Variants in SPINT1 observed in about 807,000 individuals in gnomAD.
SPINT1 encodes kunitz-type protease inhibitor 1.
In SPINT1, 38 loss-of-function variants were observed where a neutral mutation model predicts 53.7. The ratio of observed to expected loss-of-function variants is 0.71; its 90% CI spans 0.55 to 0.93. SPINT1 has a LOEUF of 0.93. Among genes scored for constraint, SPINT1 ranks in the 40% least tolerant of loss-of-function variants. SPINT1 has a pLI of 0.00. For synonymous variants in SPINT1, 283 were observed against 280.6 expected, an observed-to-expected ratio of 1.01 and a Z score of -0.08; for missense variants, 645 against 692.9, an observed-to-expected ratio of 0.93 and a Z score of 0.78.
chr15:40,848,075 T>C (rs1891348820), intron 2 of SPINT1, among the ~76,000 whole-genome samples: 1 of 152,156 alleles, frequency 6.6e-6, no homozygotes. Context: ...CAGTTCTCTT[T>C]TTACTATTTT....
At chr15:40,846,673 G>C (rs1168686869) in intron 2 of SPINT1, among the ~76,000 whole-genome samples, 6 of 152,184 alleles carry the variant, frequency 3.9e-5, no homozygotes. Context: ...CTGGGCTGGG[G>C]CCACATCTGG....
In SPINT1 at chr15:40,853,538, A is replaced by G; in HGVS notation, c.653A>G (p.Tyr218Cys). 3.7e-6 allele frequency: 6 copies of G among 1,614,126 alleles called. No individual in the cohort carries two copies. Among genetic ancestry groups the G allele is most frequent in the Non-Finnish European group, 5.1e-6 (6 of 1,179,996 alleles). Reference sequence around the variant, plus strand: ...CTGTGGGGACTCAAGGAAGGCACCTACCTGTTCCAGCTGACAGTGACTAGC... The same window carrying G: ...CTGTGGGGACTCAAGGAAGGCACCTGCCTGTTCCAGCTGACAGTGACTAGC... The part of the protein sequence containing the change: ...VELWGLKEGT[Y>C]LFQLTVTSSD... The change falls in exon 4 of 11, where the codon TAC becomes TGC. Residue 218 changes from tyrosine (Y) to cysteine (C), a missense_variant. By Grantham distance (194) the Tyr-to-Cys change is radical (BLOSUM62 -2). Transcript: ENST00000562057.
rs1891206743 is a variant in SPINT1 at position 40,844,416 on chromosome 15, GC to G, written c.-65-72del. On this transcript the variant is annotated intron_variant, in intron 1 of 10. Transcript: ENST00000562057. The surrounding 1 kb of genome is among the most constrained non-coding windows in gnomAD (Gnocchi z 5.8). ...CCCTCCTCCCCGCCACTTCCTCCCG[GC>G]CGGCCCGCCTCCTCCAAAGTCTCCC... 1 of 923,506 alleles carries G rather than the reference GC, an allele frequency of 1.1e-6. No individual in the cohort carries two copies. The highest frequency in any genetic ancestry group is 1.7e-6 in the Non-Finnish European group (1 of 579,200). The allele number at this position is 923,506 out of a possible 1,614,324, so 57.2% of individuals were successfully genotyped here.
chr15:40,854,778 C>T (rs1891584965), intron 8 of SPINT1, 89 bp downstream of exon 8: 11 of 1,545,664 alleles, frequency 7.1e-6, no homozygotes, highest in Non-Finnish European at 8.9e-6. Flanking sequence ...GAGGGGCCTG[C>T]TGGGTGTACG....
At chr15:40,855,273 C>A (rs1246082359) in intron 8 of SPINT1, among the ~76,000 whole-genome samples, 1 of 152,150 alleles carries the variant, frequency 6.6e-6, no homozygotes, top group East Asian at 1.9e-4. Flanking sequence ...CCCAGCTACT[C>A]AGAAGGCTGA....
At position 40,844,442 on chromosome 15, in the gene SPINT1, C is replaced by T. The variant is rs1891208410; in HGVS notation, c.-65-48C>T. The T allele has an allele frequency of 1.8e-6, 2 of 1,122,628 alleles. No homozygotes were observed. Among genetic ancestry groups the T allele is most frequent in the East Asian group, 2.4e-5 (1 of 41,330 alleles). The allele number at this position is 1,122,628 out of a possible 1,614,324, so 69.5% of individuals were successfully genotyped here. A position where few individuals can be genotyped will look rare whatever the true frequency, so the allele number is the denominator to read the frequency against. On this transcript the variant is annotated intron_variant, in intron 1 of 10. Transcript: ENST00000562057. This position sits in a 1 kb window ranked among gnomAD's most constrained non-coding sequence, Gnocchi z 5.8. ...CCGGCCCGCCTCCTCCAAAGTCTCC[C>T]GGGCTGATCAGGTGTGTCTCCTCCT... is the stretch of plus-strand genomic sequence containing the variant.
chr15:40,845,318 A>AT (rs34480117), intron 2 of SPINT1, among the ~76,000 whole-genome samples: 6,763 of 58,156 alleles, frequency 0.12, 1,049 homozygotes, highest in Non-Finnish European at 0.13. Flanking sequence ...GACCCGGCTA[A>AT]TTTTTTTTTT....
rs1277701593 is a variant in SPINT1, at chr15:40,844,337, G to A, written c.-66+151G>A. The A allele has an allele frequency of 1.6e-6, 1 of 618,114 alleles. No individual in the cohort carries two copies. Among genetic ancestry groups the A allele is most frequent in the Non-Finnish European group, 2.9e-6 (1 of 350,262 alleles). 38.3% of individuals were successfully genotyped at this position (618,114 alleles called of 1,614,324 possible). A position where few individuals can be genotyped will look rare whatever the true frequency, so the allele number is the denominator to read the frequency against. On this transcript the variant is annotated intron_variant, in intron 1 of 10. Coordinates refer to ENST00000562057, the MANE Select transcript of SPINT1 (RefSeq NM_003710.4). This position sits in a 1 kb window ranked among gnomAD's most constrained non-coding sequence, Gnocchi z 5.8. Reference sequence around the variant, plus strand: ...CTGTCTGGCTGCCGGGTCCCTGGAGGGCGCGTGGGAGGGCCGGGCCCGTGC... The same window carrying A: ...CTGTCTGGCTGCCGGGTCCCTGGAGAGCGCGTGGGAGGGCCGGGCCCGTGC...
intron 10 of SPINT1, 139 bp from the exon 11 acceptor site, chr15:40,856,631 T>C: frequency 6.8e-7 from 1 of 1,478,004 alleles, no homozygotes; most frequent in Non-Finnish European, 9.0e-7. Flanking sequence ...CAGCTGTTCA[T>C]ATGTGGGAGG....
intron 2 of SPINT1, among the ~76,000 whole-genome samples, chr15:40,847,722 G>A (rs1891338103): frequency 6.6e-6 from 1 of 152,110 alleles, no homozygotes; most frequent in South Asian, 2.1e-4. Flanking sequence ...CTGCTCCTTG[G>A]TCCTGGGGGC....
intron 2 of SPINT1, among the ~76,000 whole-genome samples, chr15:40,848,524 C>G (rs1243247255): frequency 3.3e-5 from 5 of 152,216 alleles, no homozygotes; most frequent in African/African-American, 1.2e-4. Flanking sequence ...TCTGTCAACA[C>G]ATCCTATAAT....
At position 40,853,590 on chromosome 15, in the gene SPINT1, C is replaced by T. The variant is rs200268560; in HGVS notation, c.705C>T (p.Asn235=). Residue 235 remains asparagine (N), a synonymous_variant, in exon 4 of 11, where the codon AAC becomes AAT. Coordinates refer to ENST00000562057, the MANE Select transcript of SPINT1 (RefSeq NM_003710.4). The part of the protein sequence containing the change: ...TSSDHPEDTA[N]VTVTVLSTKQ... ...CAGACCACCCAGAGGACACGGCCAACGTCACAGTCACTGTGCTGTCCACCA... is the reference window on the plus strand; with the variant it reads ...CAGACCACCCAGAGGACACGGCCAATGTCACAGTCACTGTGCTGTCCACCA... 1.1e-4 allele frequency: 172 copies of T among 1,614,068 alleles called. No homozygotes were observed. In the East Asian group the frequency reaches 2.8e-3, roughly 27 times the overall value.
At chr15:40,853,911 C>T (rs1891544537) in intron 5 of SPINT1, 30 bp downstream of exon 5, 2 of 1,614,106 alleles carry the variant, frequency 1.2e-6, no homozygotes, top group Non-Finnish European at 1.7e-6. Context: ...CTCTGGGGCT[C>T]AGGCGACTTT....
intron 10 of SPINT1, 140 bp from the exon 11 acceptor site, chr15:40,856,630 A>G (rs1891650182): frequency 4.1e-6 from 6 of 1,476,306 alleles, no homozygotes; most frequent in Non-Finnish European, 5.4e-6. Flanking sequence ...TCAGCTGTTC[A>G]TATGTGGGAG....
chr15:40,851,411 A>G (rs1203168272), intron 2 of SPINT1, among the ~76,000 whole-genome samples: 2 of 152,224 alleles, frequency 1.3e-5, no homozygotes, highest in African/African-American at 4.8e-5. Flanking sequence ...TTGGCCGCCC[A>G]AAGTGCTGGG....
chr15:40,845,108 A>G, intron 2 of SPINT1, 79 bp downstream of exon 2: 1 of 1,172,768 alleles, frequency 8.5e-7, no homozygotes, highest in Admixed American at 2.3e-5. Flanking sequence ...GGAGACGAAC[A>G]TCAGAGAGGA....
intron 2 of SPINT1, 56 bp from the exon 3 acceptor site, chr15:40,853,068 A>C: frequency 6.3e-7 from 1 of 1,577,300 alleles, no homozygotes; most frequent in Non-Finnish European, 8.6e-7. Flanking sequence ...TGCTCCTGAG[A>C]GAAGCCTGGT....
At chr15:40,849,235 C>T (rs1284715688) in intron 2 of SPINT1, among the ~76,000 whole-genome samples, 1 of 150,574 alleles carries the variant, frequency 6.6e-6, no homozygotes, top group East Asian at 2.0e-4. Context: ...AACAGAGCAA[C>T]ACTCCGTCTC....
At chr15:40,845,076 G>C in intron 2 of SPINT1, 47 bp downstream of exon 2, 1 of 1,502,290 alleles carries the variant, frequency 6.7e-7, no homozygotes, top group Non-Finnish European at 9.0e-7. Flanking sequence ...CTCAAAAAAG[G>C]GACTGGTTAT....
Sources: allele counts gnomAD v4.1 joint callset (sites outside exome capture counted in the v4.1 genomes callset), GRCh38; gene constraint gnomAD v4.1.1; non-coding constraint Gnocchi (gnomAD v3.1); transcripts MANE v1.5; gene names NCBI Gene and HGNC (gene_info 2026-07-23, HGNC 2026-07-21).